Variants in PHF3 observed in about 807,000 individuals in gnomAD.
PHF3 encodes PHD finger protein 3.
A neutral mutation model predicts 178.4 loss-of-function variants in PHF3; 41 were observed. The observed-to-expected ratio is 0.23, with a 90% confidence interval of 0.18 to 0.30. The LOEUF is 0.30. Among genes scored for constraint, PHF3 ranks in the 10% least tolerant of loss-of-function variants. The probability of loss-of-function intolerance (pLI) is 1.00; values close to 1 mark genes in which losing one functional copy is unlikely to be tolerated. For missense variants in PHF3, 2,346 were observed against 2,398.1 expected (o/e 0.98, Z 0.45); for synonymous variants, 842 against 800.5 (o/e 1.05, Z -0.88).
intron 1 of PHF3, among the ~76,000 whole-genome samples, chr6:63,641,937 A>T (rs1764594469): frequency 6.6e-6 from 1 of 151,058 alleles, no homozygotes; most frequent in Admixed American, 6.6e-5. Flanking sequence ...CTAAAGTGAA[A>T]TTTTTTTTTG....
chr6:63,717,926 T>C lies in PHF3; in HGVS notation c.*4218T>C, dbSNP rs1295632317. ...AATGTTCCGTTTACATTCAACACTT[T>C]GAGAAACCTCATACATTTATAGTAA... On this transcript the variant is annotated 3_prime_UTR_variant, in exon 16 of 16. Transcript: ENST00000262043. Among the ~76,000 whole-genome samples, 4 of 152,052 alleles carry C rather than the reference T, an allele frequency of 2.6e-5. No individual in the cohort carries two copies. The highest frequency in any genetic ancestry group is 7.2e-5 in the African/African-American group (3 of 41,448).
In PHF3 at chr6:63,684,759, G is replaced by T. The variant is rs1383068080; in HGVS notation, c.1037G>T (p.Ser346Ile). ...LEDAGSSDIS[S>I]DAACTNPNKT... The stretch of plus-strand genomic sequence containing the variant: ...GACGCTGGATCTTCTGATATTTCTA[G>T]TGATGCTGCTTGTACAAATCCAAAT... The change falls in exon 4 of 16, where the codon AGT (serine) becomes ATT (isoleucine). Residue 346 changes from serine to isoleucine, a missense_variant. Ser to Ile is a moderately radical substitution (Grantham distance 142). Coordinates refer to ENST00000262043, the MANE Select transcript of PHF3 (RefSeq NM_001370348.2). 6.2e-7 allele frequency: 1 copy of T among 1,614,004 alleles called. No individual in the cohort carries two copies. Among genetic ancestry groups the T allele is most frequent in the South Asian group, 1.1e-5 (1 of 91,082 alleles).
Position 63,722,149 on chromosome 6 carries a change from C to A in PHF3, c.*8441C>A, listed in dbSNP as rs762276771. Reference sequence around the variant, plus strand: ...TTGTCAGGCTAGGTACCTATAAATTCTCTGCACATTCCTGGCTCCTTTCCT... The same window carrying A: ...TTGTCAGGCTAGGTACCTATAAATTATCTGCACATTCCTGGCTCCTTTCCT... On this transcript the variant is annotated 3_prime_UTR_variant, in exon 16 of 16. Coordinates refer to ENST00000262043, the MANE Select transcript of PHF3 (RefSeq NM_001370348.2). Among the ~76,000 whole-genome samples, 1 of 152,108 alleles carries A rather than the reference C, an allele frequency of 6.6e-6. No homozygotes were observed. The highest frequency in any genetic ancestry group is 2.4e-5 in the African/African-American group (1 of 41,416).
chr6:63,650,795 T>A (rs1185544393), intron 2 of PHF3, among the ~76,000 whole-genome samples: 1 of 152,180 alleles, frequency 6.6e-6, no homozygotes, highest in Admixed American at 6.5e-5. Context: ...TTTTGGGTTT[T>A]ATGGCTTTGT....
intron 3 of PHF3, among the ~76,000 whole-genome samples, chr6:63,682,455 C>T (rs1169386948): frequency 6.6e-6 from 1 of 152,110 alleles, no homozygotes; most frequent in Non-Finnish European, 1.5e-5. Context: ...GCTGGTTTTT[C>T]CTCTCTCGTT....
At position 63,703,545 on chromosome 6, in the gene PHF3, G is replaced by T; in HGVS notation, c.3241G>T (p.Ala1081Ser). The change falls in exon 11 of 16, where the codon GCC becomes TCC. Residue 1081 changes from alanine (A) to serine (S), a missense_variant. By Grantham distance (99) the Ala-to-Ser change is moderately conservative. This residue lies in a region of PHF3 where 205 missense variants were observed against 212.4 expected (regional missense o/e 0.97). Transcript: ENST00000262043. ...CTTTGACTTACGTTAGGAACCAGCCGCCAATAAGTCATTGGAGAAGCCAGA... is the reference window on the plus strand; with the variant it reads ...CTTTGACTTACGTTAGGAACCAGCCTCCAATAAGTCATTGGAGAAGCCAGA... ...EAAMEIQEPA[A>S]NKSLEKPEGS... 1 of 1,606,940 alleles carries T rather than the reference G, an allele frequency of 6.2e-7. No homozygotes were observed. Among genetic ancestry groups the T allele is most frequent in the South Asian group, 1.1e-5 (1 of 88,680 alleles).
chr6:63,685,413 G>C lies in PHF3; in HGVS notation c.1691G>C (p.Gly564Ala). ...CCAAAGATTCAGAGTTGCAATTCTG[G>C]GGTTAAATCTGTGAAAAACCAAGCT... ...KEPKIQSCNSGVKSVKNQAHS... is the reference protein window; with the variant it reads ...KEPKIQSCNSAVKSVKNQAHS... The change falls in exon 4 of 16, where the codon GGG becomes GCG. Residue 564 changes from glycine to alanine, a missense_variant. By Grantham distance (60) the Gly-to-Ala change is moderately conservative. Around this residue, in one of 8 missense-constraint regions of PHF3, gnomAD observed 843 missense variants for 795.2 expected, o/e 1.06. Transcript: ENST00000262043. 6.2e-7 allele frequency: 1 copy of C among 1,613,628 alleles called. No individual in the cohort carries two copies. The highest frequency in any genetic ancestry group is 8.5e-7 in the Non-Finnish European group (1 of 1,179,902).
intron 1 of PHF3, among the ~76,000 whole-genome samples, chr6:63,641,875 G>T (rs1764591557): frequency 6.6e-6 from 1 of 152,018 alleles, no homozygotes; most frequent in African/African-American, 2.4e-5. Flanking sequence ...TGATCTGCCC[G>T]CCTCGTCCTC....
At chr6:63,670,472 G>C (rs1456923446) in intron 2 of PHF3, among the ~76,000 whole-genome samples, 2 of 151,932 alleles carry the variant, frequency 1.3e-5, no homozygotes, top group Non-Finnish European at 2.9e-5. Flanking sequence ...GTTTCACCAC[G>C]TTAGCCAGGA....
In PHF3 at chr6:63,723,973, A is replaced by G. The variant is rs1287357949; in HGVS notation, c.*10265A>G. Among the ~76,000 whole-genome samples the G allele has an allele frequency of 6.6e-6, 1 of 151,890 alleles. No homozygotes were observed. Among genetic ancestry groups the G allele is most frequent in the African/African-American group, 2.4e-5 (1 of 41,344 alleles). ...CAGGCACTGGCCATCACGGCCGGCT[A>G]ATTTTTGTATTTTGGGTAGAGCGAG... On this transcript the variant is annotated 3_prime_UTR_variant, in exon 16 of 16. Coordinates refer to ENST00000262043, the MANE Select transcript of PHF3 (RefSeq NM_001370348.2).
intron 4 of PHF3, among the ~76,000 whole-genome samples, chr6:63,690,893 C>T (rs1489238842): frequency 6.6e-6 from 1 of 152,062 alleles, no homozygotes; most frequent in Non-Finnish European, 1.5e-5. Flanking sequence ...TAGAGTCATA[C>T]GTTTCACATC....
chr6:63,674,039 A>G (rs115243556), intron 2 of PHF3, among the ~76,000 whole-genome samples: 1,812 of 152,192 alleles, frequency 0.012, 31 homozygotes, highest in African/African-American at 0.042. Context: ...TTTGCCTTAT[A>G]CAAAGTACTT....
intron 1 of PHF3, among the ~76,000 whole-genome samples, chr6:63,641,179 G>GT (rs1374763700): frequency 6.6e-6 from 1 of 152,214 alleles, no homozygotes. Flanking sequence ...AAGGCATCAA[G>GT]TGTGCTCCAC....
In PHF3 at chr6:63,719,216, G is replaced by A; in HGVS notation, c.*5508G>A. ...TCTGTAGCCTTTTGATTGGAATGGA[G>A]TGGCTAAAATAAGACAAAAATCTCT... On this transcript the variant is annotated 3_prime_UTR_variant, in exon 16 of 16. Transcript: ENST00000262043. 6.6e-6 allele frequency among the ~76,000 whole-genome samples: 1 copy of A among 152,046 alleles called. No individual in the cohort carries two copies. The highest frequency in any genetic ancestry group is 1.5e-5 in the Non-Finnish European group (1 of 67,958).
intron 3 of PHF3, among the ~76,000 whole-genome samples, chr6:63,683,384 G>A (rs1766526294): frequency 6.6e-6 from 1 of 152,036 alleles, no homozygotes. Flanking sequence ...ACAAGGGGGG[G>A]ATGTATCAGA....
chr6:63,639,752 A>T (rs1764494855), intron 1 of PHF3, among the ~76,000 whole-genome samples: 1 of 152,120 alleles, frequency 6.6e-6, no homozygotes, highest in African/African-American at 2.4e-5. Context: ...AACTAATGAG[A>T]TAATGCATAC....
At chr6:63,648,546 A>T (rs1561939561) in intron 2 of PHF3, among the ~76,000 whole-genome samples, 1 of 152,126 alleles carries the variant, frequency 6.6e-6, no homozygotes, top group African/African-American at 2.4e-5. Flanking sequence ...CTTTTTTAAA[A>T]ATTGATTTCT....
Position 63,713,942 on chromosome 6 carries a change from C to A in PHF3, c.*234C>A. 2.7e-6 allele frequency: 1 copy of A among 374,260 alleles called. No homozygotes were observed. Among genetic ancestry groups the A allele is most frequent in the Non-Finnish European group, 4.7e-6 (1 of 211,526 alleles). 23.2% of individuals were successfully genotyped at this position (374,260 alleles called of 1,614,324 possible). On this transcript the variant is annotated 3_prime_UTR_variant, in exon 16 of 16. Coordinates refer to ENST00000262043, the MANE Select transcript of PHF3 (RefSeq NM_001370348.2). Reference sequence around the variant, plus strand: ...GAATTTAATATTTTTAAAAGTTTTACATTGCTGTATATTCAAAGATTTGTT... The same window carrying A: ...GAATTTAATATTTTTAAAAGTTTTAAATTGCTGTATATTCAAAGATTTGTT...
intron 2 of PHF3, among the ~76,000 whole-genome samples, chr6:63,667,790 G>A (rs1765743130): frequency 6.6e-6 from 1 of 152,106 alleles, no homozygotes; most frequent in Admixed American, 6.5e-5. Context: ...TTTTAAACTG[G>A]ATTTTCTGCA....
Sources: gnomAD v4.1 joint callset for allele counts (sites outside exome capture counted in the v4.1 genomes callset) on GRCh38, gnomAD v4.1.1 for gene constraint, gnomAD v4.1.1 regional missense constraint, MANE v1.5 for transcripts, NCBI Gene and HGNC (gene_info 2026-07-23, HGNC 2026-07-21) for gene names.